ELAVL4: variants seen among roughly 807,000 people sequenced by gnomAD.
The protein encoded by ELAVL4 is ELAV-like protein 4.
In ELAVL4, 1 loss-of-function variant was observed where a neutral mutation model predicts 35.6. The observed-to-expected ratio is 0.03, with a 90% CI of 0.01 to 0.13. ELAVL4 has a LOEUF of 0.13. Among genes scored for constraint, ELAVL4 ranks in the 10% least tolerant of loss-of-function variants. The probability of loss-of-function intolerance (pLI) is 1.00; values close to 1 mark genes in which losing one functional copy is unlikely to be tolerated. For missense variants in ELAVL4, 267 were observed against 464.9 expected, an observed-to-expected ratio of 0.57 and a Z score of 3.91; for synonymous variants, 156 against 171.0, an observed-to-expected ratio of 0.91 and a Z score of 0.69.
intron 1 of ELAVL4, among the ~76,000 whole-genome samples, chr1:50,110,987 A>AG (rs1387374678): frequency 5.9e-5 from 9 of 152,092 alleles, no homozygotes; most frequent in Non-Finnish European, 8.8e-5. Flanking sequence ...GGAGGGGGAC[A>AG]GGACCTCGAT....
intron 3 of ELAVL4, chr1:50,179,790 A>T (rs895672307): frequency 6.6e-6 from 1 of 152,332 alleles, no homozygotes; most frequent in African/African-American, 2.4e-5. Flanking sequence ...TGCACAAAGT[A>T]GGTTCAGGCA....
At chr1:50,145,621 A>C (rs1005763108) in intron 2 of ELAVL4, among the ~76,000 whole-genome samples, 2 of 152,186 alleles carry the variant, frequency 1.3e-5, no homozygotes, top group African/African-American at 4.8e-5. Flanking sequence ...AAAGGGGGCC[A>C]CTGTGGATGT....
intron 5 of ELAVL4, 134 bp downstream of exon 5, chr1:50,195,920 C>A: frequency 1.0e-6 from 1 of 993,614 alleles, no homozygotes; most frequent in Non-Finnish European, 1.5e-6. Flanking sequence ...GCAAAACTCC[C>A]CCCGAGCCTC....
At chr1:50,168,214 G>A (rs769260955) in intron 2 of ELAVL4, among the ~76,000 whole-genome samples, 10 of 152,102 alleles carry the variant, frequency 6.6e-5, no homozygotes, top group African/African-American at 1.4e-4. Flanking sequence ...GGCCATTGGC[G>A]CAAACTGGGG....
chr1:50,118,923 A>T (rs762610747), intron 1 of ELAVL4, among the ~76,000 whole-genome samples: 1 of 132,930 alleles, frequency 7.5e-6, no homozygotes, highest in African/African-American at 2.8e-5. Context: ...GCCATTTTGC[A>T]GGTCCTATGC....
At chr1:50,130,519 T>G (rs773922729) in intron 1 of ELAVL4, among the ~76,000 whole-genome samples, 3 of 152,228 alleles carry the variant, frequency 2.0e-5, no homozygotes, top group Non-Finnish European at 4.4e-5. Context: ...GACTTAATGA[T>G]AATTACTTGC....
intron 2 of ELAVL4, among the ~76,000 whole-genome samples, chr1:50,158,584 A>T (rs981648680): frequency 6.6e-6 from 1 of 152,166 alleles, no homozygotes; most frequent in East Asian, 1.9e-4. Context: ...CTAGAACCAG[A>T]CTTGTACAAC....
chr1:50,192,563 A>ACT (rs1553190674), intron 3 of ELAVL4, among the ~76,000 whole-genome samples: 33 of 144,534 alleles, frequency 2.3e-4, no homozygotes, highest in East Asian at 4.3e-4. Context: ...ACACACACAC[A>ACT]CTCTCACCCC....
At chr1:50,165,506 A>G (rs1482854695) in intron 2 of ELAVL4, among the ~76,000 whole-genome samples, 1 of 150,484 alleles carries the variant, frequency 6.6e-6, no homozygotes, top group Non-Finnish European at 1.5e-5. Context: ...ACATGTATAT[A>G]CTATGCATAT....
intron 2 of ELAVL4, among the ~76,000 whole-genome samples, chr1:50,159,075 G>T (rs186263773): frequency 2.0e-5 from 3 of 151,846 alleles, no homozygotes; most frequent in Admixed American, 2.0e-4. Flanking sequence ...ATACTCTGTG[G>T]CTTGGTCTTA....
intron 1 of ELAVL4, among the ~76,000 whole-genome samples, chr1:50,091,969 T>C (rs1665516900): frequency 6.6e-6 from 1 of 152,138 alleles, no homozygotes; most frequent in South Asian, 2.1e-4. Context: ...CCACACAAGA[T>C]TGTATCAGCT....
chr1:50,090,394 C>T (rs542817217), intron 1 of ELAVL4, among the ~76,000 whole-genome samples: 1 of 152,214 alleles, frequency 6.6e-6, no homozygotes, highest in East Asian at 1.9e-4. Context: ...ACAATGTGTG[C>T]CACTAGGCTT....
At chr1:50,116,161 A>G (rs1347281466) in intron 1 of ELAVL4, among the ~76,000 whole-genome samples, 1 of 152,152 alleles carries the variant, frequency 6.6e-6, no homozygotes, top group Non-Finnish European at 1.5e-5. Flanking sequence ...GACTGTTGAA[A>G]GGAACTTGTC....
intron 1 of ELAVL4, among the ~76,000 whole-genome samples, chr1:50,056,784 T>C (rs1663696483): frequency 2.6e-5 from 4 of 152,222 alleles, no homozygotes; most frequent in Middle Eastern, 3.4e-3. Flanking sequence ...ATACAAAAAT[T>C]AGCTGGACAT....
At chr1:50,149,542 CTTTTT>C (rs754451042) in intron 2 of ELAVL4, among the ~76,000 whole-genome samples, 1 of 126,462 alleles carries the variant, frequency 7.9e-6, no homozygotes, top group African/African-American at 2.8e-5. Flanking sequence ...ATGCATTGTC[CTTTTT>C]TTTTTTTTTT....
chr1:50,146,591 A>C (rs963011114), intron 2 of ELAVL4, among the ~76,000 whole-genome samples: 2 of 152,154 alleles, frequency 1.3e-5, no homozygotes, highest in Admixed American at 6.5e-5. Context: ...AAATTCTCCA[A>C]ATAGGGCCAG....
chr1:50,062,896 C>T (rs181972853), intron 1 of ELAVL4, among the ~76,000 whole-genome samples: 496 of 152,242 alleles, frequency 3.3e-3, no homozygotes, highest in Non-Finnish European at 5.8e-3. Context: ...ATTCACCCAT[C>T]CATACTTGTT....
At chr1:50,056,214 T>C (rs185359009) in intron 1 of ELAVL4, among the ~76,000 whole-genome samples, 1 of 152,196 alleles carries the variant, frequency 6.6e-6, no homozygotes, top group African/African-American at 2.4e-5. Flanking sequence ...TAGAAGTGCC[T>C]GGTGCATGAT....
At chr1:50,105,049 T>G (rs1666197429), upstream of ELAVL4, among the ~76,000 whole-genome samples, 1 of 152,252 alleles carries the variant, frequency 6.6e-6, no homozygotes, top group South Asian at 2.1e-4. Context: ...CATATAATTG[T>G]ATTTTTAAAA....
Sources: gnomAD v4.1 joint callset for allele counts (sites outside exome capture counted in the v4.1 genomes callset) on GRCh38, gnomAD v4.1.1 for gene constraint, MANE v1.5 for transcripts, NCBI Gene and HGNC (gene_info 2026-07-23, HGNC 2026-07-21) for gene names.